Variants in CLIC5 observed in about 807,000 individuals in gnomAD.
CLIC5 encodes the protein CLIC family member 5, also known as chloride intracellular channel protein 5.
Under a neutral mutation model 24.7 loss-of-function variants are expected in CLIC5, and 20 were observed. The ratio of observed to expected loss-of-function variants is 0.81; its 90% CI spans 0.57 to 1.18. The LOEUF is 1.18. Ranked by LOEUF, CLIC5 falls within the 50% of genes most tolerant of loss-of-function variation. The probability of loss-of-function intolerance (pLI) is 0.00; values close to 1 mark genes in which losing one functional copy is unlikely to be tolerated. For synonymous variants in CLIC5, 159 were observed against 135.6 expected (o/e 1.17, Z -1.20); for missense variants, 341 against 326.1 (o/e 1.05, Z -0.35).
intron 4 of CLIC5, among the ~76,000 whole-genome samples, chr6:45,916,958 G>A (rs911720732): frequency 8.5e-5 from 13 of 152,168 alleles, no homozygotes; most frequent in African/African-American, 3.1e-4. Flanking sequence ...AACAGGGAAA[G>A]GACTGCAAGG....
At chr6:46,023,648 A>G (rs1429201955) in intron 1 of CLIC5, among the ~76,000 whole-genome samples, 1 of 152,172 alleles carries the variant, frequency 6.6e-6, no homozygotes, top group African/African-American at 2.4e-5. Context: ...AAAATTAAAA[A>G]ATACTCAGCC....
At chr6:45,962,016 ATG>A (rs147836190) in intron 1 of CLIC5, among the ~76,000 whole-genome samples, 14 of 149,292 alleles carry the variant, frequency 9.4e-5, no homozygotes, top group African/African-American at 1.2e-4. Context: ...CACAACATGT[ATG>A]TGTGTGTGTG....
intron 6 of CLIC5, among the ~76,000 whole-genome samples, chr6:45,886,469 A>G (rs1298939280): frequency 6.6e-6 from 1 of 152,118 alleles, no homozygotes; most frequent in Non-Finnish European, 1.5e-5. Context: ...TTTTAAGGCC[A>G]CCTGTTGAGC....
At chr6:46,055,620 C>A (rs562091688) in intron 1 of CLIC5, among the ~76,000 whole-genome samples, 1 of 152,312 alleles carries the variant, frequency 6.6e-6, no homozygotes, top group South Asian at 2.1e-4. Context: ...GAGCTGAAGA[C>A]CTGTGAAGGC....
At chr6:46,088,064 T>A in the CLIC5 span, among the ~76,000 whole-genome samples, 4 of 152,188 alleles carry the variant, frequency 2.6e-5, no homozygotes, top group Middle Eastern at 3.4e-3. Flanking sequence ...TGGGATTTTA[T>A]CATTTAGGGA....
chr6:46,107,959 A>G, the CLIC5 span, among the ~76,000 whole-genome samples: 12 of 140,656 alleles, frequency 8.5e-5, no homozygotes, highest in Admixed American at 5.5e-4. Flanking sequence ...GCTTGAACCC[A>G]GGAGGCTGGG....
chr6:46,012,271 G>A (rs1333466391), intron 1 of CLIC5, among the ~76,000 whole-genome samples: 2 of 152,164 alleles, frequency 1.3e-5, no homozygotes, highest in African/African-American at 4.8e-5. Flanking sequence ...TAAATAATTT[G>A]TTCAGGATCA....
At chr6:46,079,644 TA>T in intron 1 of CLIC5, 2 of 1,414,320 alleles carry the variant, frequency 1.4e-6, no homozygotes, top group Non-Finnish European at 1.9e-6. Flanking sequence ...CAGAGCAAAA[TA>T]AAACACCAGC....
At chr6:46,062,046 G>C (rs1051464935) in intron 1 of CLIC5, among the ~76,000 whole-genome samples, 15 of 152,214 alleles carry the variant, frequency 9.9e-5, no homozygotes, top group African/African-American at 3.6e-4. Flanking sequence ...TGTAGCTGTA[G>C]AGCACTTGAG....
At chr6:46,023,268 C>T (rs78612051) in intron 1 of CLIC5, among the ~76,000 whole-genome samples, 5 of 152,128 alleles carry the variant, frequency 3.3e-5, no homozygotes, top group Non-Finnish European at 5.9e-5. Flanking sequence ...GTTGGGAACT[C>T]TGAAGTCCTT....
At chr6:45,896,423 C>T (rs1022558049), downstream of CLIC5, among the ~76,000 whole-genome samples, 6 of 151,144 alleles carry the variant, frequency 4.0e-5, no homozygotes, top group Non-Finnish European at 8.9e-5. Context: ...AACTGAGGCC[C>T]AGAAAGGAGC....
In CLIC5 at chr6:45,980,482, C is replaced by T. The variant is rs141100769; in HGVS notation, c.64-25238G>A. Among the ~76,000 whole-genome samples the T allele has an allele frequency of 6.4e-3, 978 of 152,092 alleles. 13 individuals carry two copies. The highest frequency in any genetic ancestry group is 0.02 in the African/African-American group (818 of 41,478). ...TGTACTATGCTCACTACCTGGGTGACGGTGATCATTTATATACCAAACCTC... is the reference window on the plus strand; with the variant it reads ...TGTACTATGCTCACTACCTGGGTGATGGTGATCATTTATATACCAAACCTC... On this transcript the variant is annotated intron_variant, in intron 1 of 5. Transcript: ENST00000339561.
intron 1 of CLIC5, among the ~76,000 whole-genome samples, chr6:45,973,038 G>A (rs1005598040): frequency 6.6e-6 from 1 of 152,188 alleles, no homozygotes; most frequent in African/African-American, 2.4e-5. Flanking sequence ...GGTGCTGAAA[G>A]TGGACACTGA....
chr6:46,061,565 T>C (rs773836528), intron 1 of CLIC5, among the ~76,000 whole-genome samples: 2 of 152,206 alleles, frequency 1.3e-5, no homozygotes, highest in Non-Finnish European at 2.9e-5. Context: ...AGGCTTAATG[T>C]TGCATTTGGC....
chr6:45,909,249 C>G (rs1031914604), intron 5 of CLIC5, among the ~76,000 whole-genome samples: 1 of 152,078 alleles, frequency 6.6e-6, no homozygotes, highest in African/African-American at 2.4e-5. Flanking sequence ...CACTCTATGT[C>G]TTTCAAGTGG....
At chr6:45,958,443 T>TATATACACACACACACACACAC (rs70996359) in intron 1 of CLIC5, among the ~76,000 whole-genome samples, 2 of 55,642 alleles carry the variant, frequency 3.6e-5, no homozygotes, top group South Asian at 6.0e-4. Context: ...TATATATATA[T>TATATACACACACACACACACAC]ATATATATAT....
chr6:46,063,485 G>A (rs1312554473), intron 1 of CLIC5, among the ~76,000 whole-genome samples: 2 of 152,178 alleles, frequency 1.3e-5, no homozygotes, highest in African/African-American at 4.8e-5. Flanking sequence ...TTTGGAGTTC[G>A]GGAAGGTCAA....
upstream of CLIC5, among the ~76,000 whole-genome samples, chr6:46,019,735 A>G (rs1374453534): frequency 6.7e-6 from 1 of 148,428 alleles, no homozygotes; most frequent in Non-Finnish European, 1.5e-5. Context: ...CTAAATTAAT[A>G]TAATTATTAA....
chr6:46,001,452 T>C (rs578102791), intron 1 of CLIC5, among the ~76,000 whole-genome samples: 1 of 152,278 alleles, frequency 6.6e-6, no homozygotes, highest in South Asian at 2.1e-4. Flanking sequence ...AAAACACTGC[T>C]TAGTGCCTTC....
Sources: allele counts gnomAD v4.1 joint callset (sites outside exome capture counted in the v4.1 genomes callset), GRCh38; gene constraint gnomAD v4.1.1; transcripts MANE v1.5; gene names NCBI Gene and HGNC (gene_info 2026-07-23, HGNC 2026-07-21).